Variants in TAS2R1 observed in about 807,000 individuals in gnomAD.
TAS2R1 encodes the protein taste receptor type 2 member 1.
For missense variants in TAS2R1, 370 were observed against 353.4 expected (o/e 1.05, Z -0.38); for synonymous variants, 141 against 134.2 (o/e 1.05, Z -0.35).
chr5:9,793,157 G>C, the TAS2R1 span, among the ~76,000 whole-genome samples: 1 of 152,156 alleles, frequency 6.6e-6, no homozygotes, highest in Non-Finnish European at 1.5e-5. Context: ...CTGGAAAAAA[G>C]AGCTACTCAA....
chr5:9,733,094 G>A, the TAS2R1 span, among the ~76,000 whole-genome samples: 1 of 152,130 alleles, frequency 6.6e-6, no homozygotes, highest in Non-Finnish European at 1.5e-5. Flanking sequence ...AAATAACTGG[G>A]TACTATACCT....
the TAS2R1 span, among the ~76,000 whole-genome samples, chr5:9,766,541 C>G: frequency 0.3 from 45,873 of 152,100 alleles, 7,189 homozygotes; most frequent in East Asian, 0.45. Context: ...TCCCAGAGGT[C>G]ACCTGGGTTG....
the TAS2R1 span, among the ~76,000 whole-genome samples, chr5:9,845,485 A>T: frequency 3.9e-4 from 60 of 152,312 alleles, no homozygotes; most frequent in African/African-American, 1.3e-3. Flanking sequence ...CAGAAAAAAA[A>T]ATGTTAGTGC....
At chr5:9,793,114 C>T in the TAS2R1 span, among the ~76,000 whole-genome samples, 1 of 152,164 alleles carries the variant, frequency 6.6e-6, no homozygotes, top group Non-Finnish European at 1.5e-5. Flanking sequence ...TCTTCTAACA[C>T]ATCCAGCAAA....
chr5:9,886,822 A>T, the TAS2R1 span, among the ~76,000 whole-genome samples: 1 of 152,156 alleles, frequency 6.6e-6, no homozygotes, highest in Non-Finnish European at 1.5e-5. Flanking sequence ...AACCCCCAAG[A>T]CATGCAATTA....
At chr5:9,736,344 A>C in the TAS2R1 span, among the ~76,000 whole-genome samples, 2 of 152,284 alleles carry the variant, frequency 1.3e-5, no homozygotes, top group Admixed American at 6.5e-5. Flanking sequence ...TTCCCTCTGC[A>C]CTTACCATTT....
the TAS2R1 span, among the ~76,000 whole-genome samples, chr5:9,889,287 G>C: frequency 3.0e-4 from 46 of 152,242 alleles, 1 homozygote; most frequent in African/African-American, 1.1e-3. Context: ...ACTGATGATG[G>C]AGGGACAGGT....
At chr5:9,835,118 GAA>G in the TAS2R1 span, among the ~76,000 whole-genome samples, 1 of 152,212 alleles carries the variant, frequency 6.6e-6, no homozygotes. Context: ...CAAAGGAAAT[GAA>G]AAGTTTCCTC....
chr5:9,799,946 T>A, the TAS2R1 span, among the ~76,000 whole-genome samples: 3 of 152,228 alleles, frequency 2.0e-5, no homozygotes, highest in Admixed American at 6.5e-5. Flanking sequence ...ACAAGCATTT[T>A]TGAATATATG....
the TAS2R1 span, among the ~76,000 whole-genome samples, chr5:9,728,594 TG>T: frequency 6.6e-6 from 1 of 152,168 alleles, no homozygotes; most frequent in Non-Finnish European, 1.5e-5. Flanking sequence ...CCTACTAGGG[TG>T]GCCTATTTCA....
the TAS2R1 span, among the ~76,000 whole-genome samples, chr5:9,796,168 AG>A: frequency 6.6e-6 from 1 of 152,252 alleles, no homozygotes; most frequent in Non-Finnish European, 1.5e-5. Context: ...TGAAGATTGT[AG>A]GTTAAGAATT....
At chr5:9,892,761 G>A in the TAS2R1 span, among the ~76,000 whole-genome samples, 2 of 152,118 alleles carry the variant, frequency 1.3e-5, no homozygotes, top group African/African-American at 2.4e-5. Context: ...CTGAATGAAT[G>A]GGCTGATAGA....
At chr5:9,755,559 C>T in the TAS2R1 span, among the ~76,000 whole-genome samples, 1 of 148,144 alleles carries the variant, frequency 6.8e-6, no homozygotes, top group Non-Finnish European at 1.5e-5. Flanking sequence ...GGCATTCCAG[C>T]CTGGGCGACA....
the TAS2R1 span, among the ~76,000 whole-genome samples, chr5:9,888,513 G>A: frequency 8.5e-5 from 13 of 152,240 alleles, no homozygotes; most frequent in South Asian, 4.1e-4. Flanking sequence ...TAATCAATCC[G>A]TAATGCATGT....
At chr5:9,888,399 C>T in the TAS2R1 span, among the ~76,000 whole-genome samples, 2 of 152,192 alleles carry the variant, frequency 1.3e-5, no homozygotes, top group Non-Finnish European at 2.9e-5. Context: ...TTCCCCAAAG[C>T]CCCAAAGACT....
chr5:9,695,982 T>C (rs1253147052), intron 1 of TAS2R1, among the ~76,000 whole-genome samples: 1 of 152,172 alleles, frequency 6.6e-6, no homozygotes, highest in Non-Finnish European at 1.5e-5. Flanking sequence ...TGAATTCAAG[T>C]GTGCTACTGG....
upstream of TAS2R1, among the ~76,000 whole-genome samples, chr5:9,631,019 C>A (rs919279237): frequency 6.6e-6 from 1 of 152,090 alleles, no homozygotes; most frequent in African/African-American, 2.4e-5. Context: ...CTGTCCTGTG[C>A]AATCTAGGAA....
At chr5:9,822,691 T>G in the TAS2R1 span, among the ~76,000 whole-genome samples, 2 of 152,172 alleles carry the variant, frequency 1.3e-5, no homozygotes, top group Non-Finnish European at 2.9e-5. Context: ...ATATGTTATA[T>G]GTACATATGT....
the TAS2R1 span, among the ~76,000 whole-genome samples, chr5:9,844,485 C>T: frequency 2.0e-5 from 3 of 152,136 alleles, no homozygotes; most frequent in South Asian, 2.1e-4. Flanking sequence ...TCAATTTAAG[C>T]GTGATTTCCT....
Sources: allele counts gnomAD v4.1 joint callset (sites outside exome capture counted in the v4.1 genomes callset), GRCh38; gene constraint gnomAD v4.1.1; transcripts MANE v1.5; gene names NCBI Gene and HGNC (gene_info 2026-07-23, HGNC 2026-07-21).